Variants in ELMO1 observed in about 807,000 individuals in gnomAD.
ELMO1 encodes engulfment and cell motility 1.
Under a neutral mutation model 98.9 loss-of-function variants are expected in ELMO1, and 26 were observed. The ratio of observed to expected loss-of-function variants is 0.26; its 90% CI spans 0.19 to 0.36. The LOEUF (loss-of-function observed/expected upper bound fraction) is 0.36, where lower values mean the gene tolerates loss of function less well. ELMO1 is among the 10% of genes least tolerant of loss of function. ELMO1 has a pLI of 1.00. For synonymous variants in ELMO1, 346 were observed against 346.0 expected, an observed-to-expected ratio of 1.00 and a Z score of 0.00; for missense variants, 627 against 935.2, an observed-to-expected ratio of 0.67 and a Z score of 4.30.
At chr7:37,241,569 T>C (rs893935279) in intron 7 of ELMO1, among the ~76,000 whole-genome samples, 4 of 152,182 alleles carry the variant, frequency 2.6e-5, no homozygotes, top group Non-Finnish European at 5.9e-5. Context: ...CTATATTTTA[T>C]TCTACTTCTC....
At chr7:37,122,399 A>G (rs1443459721) in intron 14 of ELMO1, among the ~76,000 whole-genome samples, 1 of 152,228 alleles carries the variant, frequency 6.6e-6, no homozygotes, top group Non-Finnish European at 1.5e-5. Context: ...CCCATCTCAC[A>G]TGCAGAGACA....
intron 5 of ELMO1, among the ~76,000 whole-genome samples, chr7:37,261,049 A>G (rs1322703914): frequency 6.6e-6 from 1 of 152,262 alleles, no homozygotes; most frequent in African/African-American, 2.4e-5. Flanking sequence ...GGTTATGACA[A>G]TAATGAGTAC....
chr7:37,134,193 G>A (rs2129300910), intron 13 of ELMO1, among the ~76,000 whole-genome samples: 1 of 152,246 alleles, frequency 6.6e-6, no homozygotes, highest in Middle Eastern at 3.4e-3. Context: ...AACCTCTATG[G>A]AAAACACTAT....
At chr7:37,008,875 C>A (rs978738395) in intron 16 of ELMO1, among the ~76,000 whole-genome samples, 9 of 152,240 alleles carry the variant, frequency 5.9e-5, no homozygotes, top group African/African-American at 2.2e-4. Flanking sequence ...ATGATCAAAT[C>A]TACCTTAATG....
chr7:36,901,647 C>G (rs1020603754), intron 16 of ELMO1, among the ~76,000 whole-genome samples: 2 of 152,142 alleles, frequency 1.3e-5, no homozygotes, highest in East Asian at 1.9e-4. Flanking sequence ...CTGTCACTTA[C>G]AAGCTGGGAA....
At chr7:37,204,915 G>T (rs117816704) in intron 13 of ELMO1, among the ~76,000 whole-genome samples, 2 of 152,118 alleles carry the variant, frequency 1.3e-5, no homozygotes, top group Non-Finnish European at 2.9e-5. Flanking sequence ...CCTATAGCTA[G>T]GCAGAAAAGT....
At chr7:36,976,878 T>C (rs1203622424) in intron 16 of ELMO1, among the ~76,000 whole-genome samples, 2 of 152,220 alleles carry the variant, frequency 1.3e-5, no homozygotes, top group Non-Finnish European at 2.9e-5. Flanking sequence ...AGCACCCAGG[T>C]TGAAGATTAC....
At chr7:37,256,900 C>T (rs1482490425) in intron 6 of ELMO1, among the ~76,000 whole-genome samples, 2 of 152,110 alleles carry the variant, frequency 1.3e-5, no homozygotes, top group Non-Finnish European at 2.9e-5. Flanking sequence ...CTTTAAACAA[C>T]CCAGTTTTAA....
chr7:37,206,315 G>A (rs1030598183), intron 13 of ELMO1, among the ~76,000 whole-genome samples: 3 of 152,128 alleles, frequency 2.0e-5, no homozygotes, highest in African/African-American at 7.2e-5. Context: ...AAAATGTCAA[G>A]TACCTTGCCC....
intron 3 of ELMO1, 27 bp from the exon 4 acceptor site, chr7:37,314,949 A>T: frequency 6.3e-7 from 1 of 1,592,812 alleles, no homozygotes; most frequent in Non-Finnish European, 8.5e-7. Context: ...TATACTGATT[A>T]GAAAAATGAA....
intron 16 of ELMO1, among the ~76,000 whole-genome samples, chr7:37,002,405 G>A (rs116703313): frequency 1.0e-3 from 159 of 152,370 alleles, no homozygotes; most frequent in African/African-American, 3.5e-3. Flanking sequence ...GTGCAGAACT[G>A]TGACCAGCCA....
At chr7:37,095,210 T>A (rs1374497595) in intron 15 of ELMO1, among the ~76,000 whole-genome samples, 1 of 152,134 alleles carries the variant, frequency 6.6e-6, no homozygotes, top group Admixed American at 6.5e-5. Context: ...TCCCAGATGG[T>A]CCAGACATGT....
intron 1 of ELMO1, among the ~76,000 whole-genome samples, chr7:37,412,187 C>T (rs1804018815): frequency 6.6e-6 from 1 of 152,144 alleles, no homozygotes; most frequent in South Asian, 2.1e-4. Context: ...TCCTTTTGTT[C>T]TTTCTTCAAA....
chr7:37,252,529 T>G (rs1426339673), intron 6 of ELMO1, among the ~76,000 whole-genome samples: 1 of 152,216 alleles, frequency 6.6e-6, no homozygotes, highest in Non-Finnish European at 1.5e-5. Context: ...GCTAGCCATA[T>G]GCAGAAAACT....
At chr7:36,889,978 C>T (rs949318183) in intron 17 of ELMO1, among the ~76,000 whole-genome samples, 1 of 152,192 alleles carries the variant, frequency 6.6e-6, no homozygotes, top group Non-Finnish European at 1.5e-5. Context: ...CGAATGGACT[C>T]AGTAGCCGTA....
intron 13 of ELMO1, among the ~76,000 whole-genome samples, chr7:37,181,879 G>A (rs1790882722): frequency 1.3e-5 from 2 of 152,158 alleles, no homozygotes; most frequent in Non-Finnish European, 2.9e-5. Context: ...TGCATCCCTA[G>A]CAAAGGAAAT....
intron 1 of ELMO1, among the ~76,000 whole-genome samples, chr7:37,443,289 G>A (rs548102746): frequency 1.3e-5 from 2 of 152,272 alleles, no homozygotes; most frequent in African/African-American, 4.8e-5. Flanking sequence ...TACCTTAACT[G>A]TTAGAACTAA....
At chr7:36,899,866 C>T (rs1048064968) in intron 16 of ELMO1, among the ~76,000 whole-genome samples, 2 of 151,962 alleles carry the variant, frequency 1.3e-5, no homozygotes, top group South Asian at 4.2e-4. Context: ...ACGAAATTCA[C>T]AGGGTTGTAA....
chr7:37,371,851 G>GCCGATTT (rs893912363), intron 1 of ELMO1, among the ~76,000 whole-genome samples: 3 of 152,208 alleles, frequency 2.0e-5, no homozygotes. Flanking sequence ...GCGAAGAGCA[G>GCCGATTT]CCGATTTCCG....
Sources: allele counts gnomAD v4.1 joint callset (sites outside exome capture counted in the v4.1 genomes callset), GRCh38; gene constraint gnomAD v4.1.1; transcripts MANE v1.5; gene names NCBI Gene and HGNC (gene_info 2026-07-23, HGNC 2026-07-21).